The following GPR39 variants were observed in gnomAD, a reference collection of about 807,000 sequenced individuals.
GPR39 encodes the protein zinc sensing receptor.
GPR39 carries 23 observed loss-of-function variants against 18.4 expected under a neutral mutation model. The ratio of observed to expected loss-of-function variants is 1.25; its 90% confidence interval spans 0.90 to 1.77. The LOEUF (loss-of-function observed/expected upper bound fraction) is 1.77, where lower values mean the gene tolerates loss of function less well. Ranked by LOEUF, GPR39 falls within the 40% of genes most tolerant of loss-of-function variation. The pLI, the probability that GPR39 is intolerant of heterozygous loss-of-function variation, is 0.00. For synonymous variants in GPR39, 280 were observed against 257.9 expected (o/e 1.09, Z -0.82); for missense variants, 647 against 602.4 (o/e 1.07, Z -0.78).
At chr2:132,501,974 T>G (rs1679047574) in intron 1 of GPR39, among the ~76,000 whole-genome samples, 1 of 152,138 alleles carries the variant, frequency 6.6e-6, no homozygotes, top group East Asian at 1.9e-4. Flanking sequence ...AGTACTTATG[T>G]GTTAGATGAA....
chr2:132,431,238 G>A (rs548116375), intron 1 of GPR39, among the ~76,000 whole-genome samples: 8 of 152,320 alleles, frequency 5.3e-5, no homozygotes, highest in African/African-American at 1.9e-4. Flanking sequence ...TTCAGCATCA[G>A]ATGCAACACC....
rs1682089055 is a variant in GPR39 at position 132,646,499 on chromosome 2, A to G, written c.*893A>G. On this transcript the variant is annotated 3_prime_UTR_variant, in exon 2 of 2. Coordinates refer to ENST00000329321, the MANE Select transcript of GPR39 (RefSeq NM_001508.3). ...TTAGTTTTAACAAAACTGTTCCAAA[A>G]GCGATTTGAGATGCCAATACCTGTG... 7.6e-6 allele frequency: 3 copies of G among 396,630 alleles called. No individual in the cohort carries two copies. The highest frequency in any genetic ancestry group is 1.3e-5 in the Non-Finnish European group (3 of 225,412). The allele number at this position is 396,630 out of a possible 1,614,324, so 24.6% of individuals were successfully genotyped here. A position where few individuals can be genotyped will look rare whatever the true frequency, so the allele number is the denominator to read the frequency against.
At chr2:132,579,652 G>A (rs1382526243) in intron 1 of GPR39, among the ~76,000 whole-genome samples, 1 of 152,016 alleles carries the variant, frequency 6.6e-6, no homozygotes, top group African/African-American at 2.4e-5. Flanking sequence ...ACCTTATTAG[G>A]AGATGGTCTG....
intron 1 of GPR39, among the ~76,000 whole-genome samples, chr2:132,506,559 G>A (rs1679138250): frequency 6.6e-6 from 1 of 152,128 alleles, no homozygotes; most frequent in South Asian, 2.1e-4. Context: ...CTGCATAGCT[G>A]GGGAGGCCTC....
chr2:132,517,075 C>A (rs1679348351), intron 1 of GPR39, among the ~76,000 whole-genome samples: 1 of 151,928 alleles, frequency 6.6e-6, no homozygotes, highest in African/African-American at 2.4e-5. Flanking sequence ...AAAGCGGACA[C>A]TCTTCAGGTT....
chr2:132,473,886 A>G (rs1285984714), intron 1 of GPR39, among the ~76,000 whole-genome samples: 1 of 152,214 alleles, frequency 6.6e-6, no homozygotes, highest in Non-Finnish European at 1.5e-5. Flanking sequence ...AGGGGGCTGC[A>G]TTTAGCCTTT....
intron 1 of GPR39, among the ~76,000 whole-genome samples, chr2:132,521,730 G>C (rs1379705119): frequency 6.6e-6 from 1 of 152,148 alleles, no homozygotes; most frequent in Non-Finnish European, 1.5e-5. Flanking sequence ...AATTAGCCAA[G>C]ATGACACTGG....
intron 1 of GPR39, among the ~76,000 whole-genome samples, chr2:132,623,382 G>A (rs1258043399): frequency 6.6e-6 from 1 of 152,180 alleles, no homozygotes; most frequent in Non-Finnish European, 1.5e-5. Flanking sequence ...AAGGGCTGTG[G>A]CCAGGGGCGC....
At chr2:132,461,966 A>C (rs1212307014) in intron 1 of GPR39, among the ~76,000 whole-genome samples, 2 of 152,158 alleles carry the variant, frequency 1.3e-5, no homozygotes, top group African/African-American at 4.8e-5. Flanking sequence ...AGTGGGCCAT[A>C]TTCAGGCTGG....
chr2:132,434,933 G>C (rs1680285800), intron 1 of GPR39, among the ~76,000 whole-genome samples: 1 of 152,192 alleles, frequency 6.6e-6, no homozygotes, highest in Non-Finnish European at 1.5e-5. Context: ...ACTTGACGGA[G>C]ATGAGTGCTT....
chr2:132,519,557 C>A (rs1163205622), intron 1 of GPR39, among the ~76,000 whole-genome samples: 1 of 152,158 alleles, frequency 6.6e-6, no homozygotes, highest in East Asian at 1.9e-4. Flanking sequence ...AACTTGATTA[C>A]TGCAAAGTAG....
intron 1 of GPR39, among the ~76,000 whole-genome samples, chr2:132,549,187 G>C (rs186335072): frequency 6.6e-6 from 1 of 152,212 alleles, no homozygotes; most frequent in African/African-American, 2.4e-5. Context: ...ATAGAAATGA[G>C]CACATAGAGG....
chr2:132,598,479 G>GTTA (rs1433426015), intron 1 of GPR39, among the ~76,000 whole-genome samples: 2 of 90,200 alleles, frequency 2.2e-5, no homozygotes, highest in Non-Finnish European at 4.3e-5. Context: ...TGTTGTTGTT[G>GTTA]TTGTTTAAGG....
intron 1 of GPR39, among the ~76,000 whole-genome samples, chr2:132,556,368 A>G (rs1192860502): frequency 6.6e-6 from 1 of 152,176 alleles, no homozygotes; most frequent in Non-Finnish European, 1.5e-5. Flanking sequence ...TGCTCCCACC[A>G]TGGCCAATTA....
intron 1 of GPR39, among the ~76,000 whole-genome samples, chr2:132,477,156 G>A (rs1011972993): frequency 6.6e-6 from 1 of 152,232 alleles, no homozygotes; most frequent in Non-Finnish European, 1.5e-5. Context: ...TGTTGTAAGA[G>A]AGTAAACATT....
At chr2:132,444,885 A>T (rs1680506600) in intron 1 of GPR39, among the ~76,000 whole-genome samples, 1 of 152,196 alleles carries the variant, frequency 6.6e-6, no homozygotes, top group Non-Finnish European at 1.5e-5. Context: ...ATATTGAGTC[A>T]GTCCTTATTA....
intron 1 of GPR39, among the ~76,000 whole-genome samples, chr2:132,435,333 G>A (rs772646763): frequency 1.3e-5 from 2 of 152,064 alleles, no homozygotes; most frequent in Non-Finnish European, 2.9e-5. Flanking sequence ...ACATGAAGAT[G>A]ATGAGGATGA....
intron 1 of GPR39, among the ~76,000 whole-genome samples, chr2:132,576,552 C>T (rs1288067630): frequency 6.6e-6 from 1 of 152,110 alleles, no homozygotes; most frequent in East Asian, 1.9e-4. Context: ...ACTTGGGAGG[C>T]TGAGGCATGA....
intron 1 of GPR39, among the ~76,000 whole-genome samples, chr2:132,532,650 A>G (rs1044614733): frequency 1.3e-5 from 2 of 152,212 alleles, no homozygotes; most frequent in Non-Finnish European, 1.5e-5. Context: ...ATCCACCATG[A>G]TCAAGTGGGC....
Sources: gnomAD v4.1 joint callset for allele counts (sites outside exome capture counted in the v4.1 genomes callset) on GRCh38, gnomAD v4.1.1 for gene constraint, MANE v1.5 for transcripts, NCBI Gene and HGNC (gene_info 2026-07-23, HGNC 2026-07-21) for gene names.